MSI2: variants seen among roughly 807,000 people sequenced by gnomAD.
The protein encoded by MSI2 is RNA-binding protein Musashi homolog 2.
Under a neutral mutation model 45.6 loss-of-function variants are expected in MSI2, and 17 were observed. That is an observed-to-expected ratio of 0.37 (90% CI 0.26 to 0.56). The LOEUF (loss-of-function observed/expected upper bound fraction) is 0.56, where lower values mean the gene tolerates loss of function less well. Among genes scored for constraint, MSI2 ranks in the 20% least tolerant of loss-of-function variants. MSI2 has a pLI of 0.77. For synonymous variants in MSI2, 156 were observed against 158.2 expected (o/e 0.99, Z 0.11); for missense variants, 293 against 444.2 (o/e 0.66, Z 3.06).
chr17:57,406,458 C>T (rs923558780), intron 6 of MSI2, among the ~76,000 whole-genome samples: 4 of 152,134 alleles, frequency 2.6e-5, no homozygotes, highest in African/African-American at 7.2e-5. Flanking sequence ...ATGAATTCTC[C>T]GCTTCGTCCC....
At chr17:57,632,553 C>T in intron 10 of MSI2, 1 of 1,067,082 alleles carries the variant, frequency 9.4e-7, no homozygotes, top group Non-Finnish European at 1.1e-6. Context: ...CCTGGCCTTG[C>T]CTGCTGGCAC....
intron 6 of MSI2, among the ~76,000 whole-genome samples, chr17:57,519,069 C>A (rs1316649767): frequency 6.6e-6 from 1 of 152,178 alleles, no homozygotes; most frequent in East Asian, 1.9e-4. Context: ...CAGAATGGAG[C>A]TCCCACCCAG....
At chr17:57,577,943 C>T (rs2088094532) in intron 7 of MSI2, among the ~76,000 whole-genome samples, 1 of 152,182 alleles carries the variant, frequency 6.6e-6, no homozygotes, top group Non-Finnish European at 1.5e-5. Context: ...ACACCACCCG[C>T]AAGCAAAGCT....
chr17:57,391,231 G>A (rs1368661874), intron 5 of MSI2, among the ~76,000 whole-genome samples: 4 of 152,202 alleles, frequency 2.6e-5, no homozygotes, highest in African/African-American at 9.7e-5. Flanking sequence ...TTCCAGCCAG[G>A]AGGAGAAGCT....
intron 5 of MSI2, among the ~76,000 whole-genome samples, chr17:57,321,580 C>G (rs1299819476): frequency 6.6e-6 from 1 of 152,108 alleles, no homozygotes; most frequent in East Asian, 1.9e-4. Flanking sequence ...AGAAGAGCTC[C>G]CTGCAGCCGA....
In MSI2 at chr17:57,594,506, G is replaced by A. The variant is rs1218553554; in HGVS notation, c.455-2362G>A. Reference sequence around the variant, plus strand: ...TGAAAGTGCTTAAAGGAGCGCTTGAGGAACAAATACCCCAAAGCCCAAAGA... The same window carrying A: ...TGAAAGTGCTTAAAGGAGCGCTTGAAGAACAAATACCCCAAAGCCCAAAGA... On this transcript the variant is annotated intron_variant, in intron 7 of 13. Coordinates refer to ENST00000284073, the MANE Select transcript of MSI2 (RefSeq NM_138962.4). Among the ~76,000 whole-genome samples, 3 of 152,154 alleles carry A rather than the reference G, an allele frequency of 2.0e-5. No homozygotes were observed. In the East Asian group the frequency reaches 5.8e-4, roughly 29 times the overall value.
In MSI2 at chr17:57,529,967, G is replaced by GAC. The variant is rs2086788174; in HGVS notation, c.454+249_454+250dup. Reference sequence around the variant, plus strand: ...CCTGTTTAGTTATGCAGCCATCCCTGACACACATATTCAGATGTACCTCTC... The same window carrying GAC: ...CCTGTTTAGTTATGCAGCCATCCCTGACACACACATATTCAGATGTACCTCTC... On this transcript the variant is annotated intron_variant, in intron 7 of 13. Transcript: ENST00000284073. This position sits in a 1 kb window ranked among gnomAD's most constrained non-coding sequence, Gnocchi z 5.3. Among the ~76,000 whole-genome samples, 1 of 152,138 alleles carries GAC rather than the reference G, an allele frequency of 6.6e-6. No individual in the cohort carries two copies. The highest frequency in any genetic ancestry group is 2.1e-4 in the South Asian group (1 of 4,822).
chr17:57,650,069 T>A (rs1911017043), intron 10 of MSI2, among the ~76,000 whole-genome samples: 1 of 152,174 alleles, frequency 6.6e-6, no homozygotes, highest in Non-Finnish European at 1.5e-5. Context: ...TTATTTGAGA[T>A]TAAGGATAAT....
chr17:57,589,123 T>C (rs1214407404), intron 7 of MSI2, among the ~76,000 whole-genome samples: 3 of 152,168 alleles, frequency 2.0e-5, no homozygotes, highest in Admixed American at 1.3e-4. Flanking sequence ...AAAGTCCACA[T>C]TGGCACCCGG....
At chr17:57,314,458 G>A (rs1265106079) in intron 5 of MSI2, among the ~76,000 whole-genome samples, 3 of 152,104 alleles carry the variant, frequency 2.0e-5, no homozygotes, top group African/African-American at 7.2e-5. Flanking sequence ...CATGCATTGG[G>A]GAGCCTCATG....
intron 5 of MSI2, among the ~76,000 whole-genome samples, chr17:57,385,454 C>T (rs768105810): frequency 6.6e-5 from 10 of 152,120 alleles, no homozygotes; most frequent in African/African-American, 9.7e-5. Context: ...TCATTCGAGA[C>T]GAGCCTGGCC....
intron 5 of MSI2, among the ~76,000 whole-genome samples, chr17:57,283,463 T>C (rs190496056): frequency 6.6e-6 from 1 of 152,288 alleles, no homozygotes; most frequent in African/African-American, 2.4e-5. Flanking sequence ...GATTTTGGGC[T>C]CCTGATCCAT....
intron 5 of MSI2, among the ~76,000 whole-genome samples, chr17:57,363,488 A>T (rs1351405697): frequency 6.6e-6 from 1 of 152,254 alleles, no homozygotes; most frequent in Admixed American, 6.5e-5. Context: ...CTATAATCCC[A>T]GCCCTTTGGG....
At position 57,473,610 on chromosome 17, in the gene MSI2, G is replaced by A. The variant is rs1404468776; in HGVS notation, c.406-56066G>A. 3.9e-5 allele frequency among the ~76,000 whole-genome samples: 6 copies of A among 152,236 alleles called. 1 individual carries two copies. The highest frequency in any genetic ancestry group is 7.3e-5 in the Non-Finnish European group (5 of 68,046). Reference sequence around the variant, plus strand: ...CAGCCTGAGCTACTTAATTGTTTCTGTGGGGAGGGTATGGGCAGAAGCTAT... The same window carrying A: ...CAGCCTGAGCTACTTAATTGTTTCTATGGGGAGGGTATGGGCAGAAGCTAT... On this transcript the variant is annotated intron_variant, in intron 6 of 13. Transcript: ENST00000284073.
chr17:57,521,603 T>C (rs1257051452), intron 6 of MSI2, among the ~76,000 whole-genome samples: 1 of 152,200 alleles, frequency 6.6e-6, no homozygotes, highest in African/African-American at 2.4e-5. Context: ...AATGAACTTC[T>C]AATCTTTAGG....
chr17:57,551,476 G>T (rs900708104), intron 7 of MSI2, among the ~76,000 whole-genome samples: 1 of 152,174 alleles, frequency 6.6e-6, no homozygotes, highest in African/African-American at 2.4e-5. Flanking sequence ...TCTGGGATGA[G>T]GTTGCTATTG....
intron 6 of MSI2, among the ~76,000 whole-genome samples, chr17:57,409,822 C>G (rs2084157000): frequency 6.6e-6 from 1 of 151,910 alleles, no homozygotes; most frequent in East Asian, 1.9e-4. Context: ...GCCTGGCCAA[C>G]ATGGTGAAAC....
At chr17:57,293,595 G>GGTT (rs113925230) in intron 5 of MSI2, among the ~76,000 whole-genome samples, 14 of 134,724 alleles carry the variant, frequency 1.0e-4, no homozygotes, top group East Asian at 6.3e-4. Context: ...TTGTTTTTTT[G>GGTT]TTTTTTTTTT....
rs1213689008 is a variant in MSI2 at position 57,608,604 on chromosome 17, G to GC, written c.538-7360dup. Among the ~76,000 whole-genome samples the GC allele has an allele frequency of 5.9e-5, 9 of 152,352 alleles. No homozygotes were observed. In the East Asian group the frequency reaches 1.4e-3, roughly 23 times the overall value. ...CCGTCGCTTGGCCCTGTCCTCAGAG[G>GC]CCCCCCACGCTGGTCTAATGCTCTG... On this transcript the variant is annotated intron_variant, in intron 8 of 13. Coordinates refer to ENST00000284073, the MANE Select transcript of MSI2 (RefSeq NM_138962.4).
Sources: allele counts gnomAD v4.1 joint callset (sites outside exome capture counted in the v4.1 genomes callset), GRCh38; gene constraint gnomAD v4.1.1; non-coding constraint Gnocchi (gnomAD v3.1); transcripts MANE v1.5; gene names NCBI Gene and HGNC (gene_info 2026-07-23, HGNC 2026-07-21).